The following FBXL19 variants were observed in gnomAD, a reference collection of about 807,000 sequenced individuals.
FBXL19 encodes F-box and leucine rich repeat protein 19, also known as F-box/LRR-repeat protein 19.
In FBXL19, 16 loss-of-function variants were observed where a neutral mutation model predicts 71.2. The ratio of observed to expected loss-of-function variants is 0.22; its 90% CI spans 0.15 to 0.34. FBXL19 has a LOEUF of 0.34. Among genes scored for constraint, FBXL19 ranks in the 10% least tolerant of loss-of-function variants. FBXL19 has a pLI of 1.00. For synonymous variants in FBXL19, 447 were observed against 409.4 expected, an observed-to-expected ratio of 1.09 and a Z score of -1.11; for missense variants, 658 against 968.2, an observed-to-expected ratio of 0.68 and a Z score of 4.25.
At chr16:30,934,927 G>A (rs1269495381) in intron 7 of FBXL19, among the ~76,000 whole-genome samples, 1 of 152,196 alleles carries the variant, frequency 6.6e-6, no homozygotes, top group Non-Finnish European at 1.5e-5. Flanking sequence ...GATGAAGAGG[G>A]CAAAAGATCA....
chr16:30,944,546 T>C (rs1289147261), intron 9 of FBXL19, among the ~76,000 whole-genome samples: 1 of 152,176 alleles, frequency 6.6e-6, no homozygotes, highest in African/African-American at 2.4e-5. Context: ...CTGCATAGTA[T>C]TCCATGGTGT....
intron 7 of FBXL19, among the ~76,000 whole-genome samples, chr16:30,940,575 A>G (rs1225619149): frequency 2.0e-5 from 3 of 152,122 alleles, no homozygotes; most frequent in Admixed American, 1.3e-4. Context: ...ACAAAATGTT[A>G]CTAGATTACC....
In FBXL19 at chr16:30,946,497, G is replaced by A. The variant is rs778696146; in HGVS notation, c.1628-233G>A. On this transcript the variant is annotated intron_variant, in intron 9 of 10. Coordinates refer to ENST00000338343, the MANE Select transcript of FBXL19 (RefSeq NM_001382779.1). This position sits in a 1 kb window ranked among gnomAD's most constrained non-coding sequence, Gnocchi z 6.7. ...TAGGATTACAGGCATGAGCCACCAC[G>A]CCTGGCAGAATATTGTAGTCTCAAA... Among the ~76,000 whole-genome samples the A allele has an allele frequency of 6.6e-6, 1 of 152,180 alleles. No individual in the cohort carries two copies. Among genetic ancestry groups the A allele is most frequent in the Non-Finnish European group, 1.5e-5 (1 of 68,044 alleles).
intron 9 of FBXL19, among the ~76,000 whole-genome samples, chr16:30,945,493 C>T (rs1311103711): frequency 6.6e-6 from 1 of 151,618 alleles, no homozygotes; most frequent in Non-Finnish European, 1.5e-5. Context: ...AACCCCATCT[C>T]TACTAAAAAA....
At position 30,942,604 on chromosome 16, in the gene FBXL19, T is replaced by C. The variant is rs1403995643; in HGVS notation, c.1627+68T>C. 2 of 1,463,204 alleles carry C rather than the reference T, an allele frequency of 1.4e-6. No individual in the cohort carries two copies. The highest frequency in any genetic ancestry group is 2.5e-5 in the Admixed American group (1 of 39,368). 90.6% of individuals were successfully genotyped at this position (1,463,204 alleles called of 1,614,324 possible). A position where few individuals can be genotyped will look rare whatever the true frequency, so the allele number is the denominator to read the frequency against. On this transcript the variant is annotated intron_variant, in intron 9 of 10. Coordinates refer to ENST00000338343, the MANE Select transcript of FBXL19 (RefSeq NM_001382779.1). This position sits in a 1 kb window ranked among gnomAD's most constrained non-coding sequence, Gnocchi z 5.7. ...GGTAGGGTAGGAGGCCTCTCAGGTCTCTTCTGACTCATGCTGGATGGTAAA... is the reference window on the plus strand; with the variant it reads ...GGTAGGGTAGGAGGCCTCTCAGGTCCCTTCTGACTCATGCTGGATGGTAAA...
At chr16:30,938,252 C>T (rs1053425725) in intron 7 of FBXL19, among the ~76,000 whole-genome samples, 3 of 152,170 alleles carry the variant, frequency 2.0e-5, no homozygotes, top group East Asian at 1.9e-4. Flanking sequence ...CAGTGGCTCA[C>T]GCCTGTAATC....
Position 30,947,501 on chromosome 16 carries a change from C to T in FBXL19, c.*271C>T. On this transcript the variant is annotated 3_prime_UTR_variant, in exon 11 of 11. Transcript: ENST00000338343. ...AGTGGGTCAGAGGTACTGGAGGGTG[C>T]TGAGCCGAAGGGACGGTGGGAGGGG... 1 of 483,414 alleles carries T rather than the reference C, an allele frequency of 2.1e-6. No homozygotes were observed. Among genetic ancestry groups the T allele is most frequent in the Non-Finnish European group, 3.7e-6 (1 of 267,506 alleles). 29.9% of individuals were successfully genotyped at this position (483,414 alleles called of 1,614,324 possible).
chr16:30,947,973 C>T lies in FBXL19; in HGVS notation c.*743C>T. 7.4e-6 allele frequency: 3 copies of T among 403,986 alleles called. No individual in the cohort carries two copies. The highest frequency in any genetic ancestry group is 1.5e-5 in the Non-Finnish European group (3 of 203,582). The allele number at this position is 403,986 out of a possible 1,614,324, so 25.0% of individuals were successfully genotyped here. ...GCCCAGGGGAGTGGCGAGGGGCGCC[C>T]CAACCCCCTGCCCGCCTCTCCGCAC... is the stretch of plus-strand genomic sequence containing the variant. On this transcript the variant is annotated 3_prime_UTR_variant, in exon 11 of 11. Coordinates refer to ENST00000338343, the MANE Select transcript of FBXL19 (RefSeq NM_001382779.1).
chr16:30,924,332 G>T lies in FBXL19; in HGVS notation c.-152G>T, dbSNP rs915047220. 5 of 155,342 alleles carry T rather than the reference G, an allele frequency of 3.2e-5. No individual in the cohort carries two copies. The highest frequency in any genetic ancestry group is 5.7e-5 in the Non-Finnish European group (4 of 70,296). The allele number at this position is 155,342 out of a possible 1,614,324, so 9.6% of individuals were successfully genotyped here. A position where few individuals can be genotyped will look rare whatever the true frequency, so the allele number is the denominator to read the frequency against. Reference sequence around the variant, plus strand: ...CCGGAGGGAGGGGCCGAGCGCCCTCGGGGGGCCGTGGACCCCGGCGTTCTG... The same window carrying T: ...CCGGAGGGAGGGGCCGAGCGCCCTCTGGGGGCCGTGGACCCCGGCGTTCTG... On this transcript the variant is annotated 5_prime_UTR_variant, in exon 1 of 11. Transcript: ENST00000338343.
Position 30,928,525 on chromosome 16 carries a change from G to C in FBXL19, c.686G>C (p.Arg229Pro), listed in dbSNP as rs751468850. Residue 229 changes from arginine (R) to proline (P), a missense_variant, in exon 6 of 11, where the codon CGA (arginine) becomes CCA (proline). Coordinates refer to ENST00000338343, the MANE Select transcript of FBXL19 (RefSeq NM_001382779.1). ...KKVGGDACLL[R>P]GSDPGGPGLL... ...GTGGGTGGAGACGCCTGCCTCCTCC[G>C]AGGATCGGACCCAGGCGGCCCGGGC... 51 of 1,607,258 alleles carry C rather than the reference G, an allele frequency of 3.2e-5. 1 individual carries two copies. Among genetic ancestry groups the C allele is most frequent in the Non-Finnish European group, 3.9e-5 (46 of 1,176,794 alleles).
intron 2 of FBXL19, among the ~76,000 whole-genome samples, chr16:30,926,827 C>G (rs1229684989): frequency 1.3e-5 from 2 of 152,138 alleles, no homozygotes; most frequent in Non-Finnish European, 2.9e-5. Context: ...TAGTGGCTTC[C>G]CTAGTGTTCC....
Position 30,946,970 on chromosome 16 carries a change from T to C in FBXL19, c.1846+22T>C, listed in dbSNP as rs1296338053. The C allele has an allele frequency of 1.1e-5, 18 of 1,591,696 alleles. No homozygotes were observed. Among genetic ancestry groups the C allele is most frequent in the Non-Finnish European group, 1.5e-5 (18 of 1,170,028 alleles). On this transcript the variant is annotated intron_variant, in intron 10 of 10. Coordinates refer to ENST00000338343, the MANE Select transcript of FBXL19 (RefSeq NM_001382779.1). This position sits in a 1 kb window ranked among gnomAD's most constrained non-coding sequence, Gnocchi z 6.7. ...GCTGGTAAGCACGGTCCCCCATCCG[T>C]CCTGCCAGCCTGTGGATCCCCACGG...
chr16:30,930,939 AGT>A lies in FBXL19; in HGVS notation c.1301+362_1301+363del, dbSNP rs1038325995. Among the ~76,000 whole-genome samples, 1 of 152,104 alleles carries A rather than the reference AGT, an allele frequency of 6.6e-6. No individual in the cohort carries two copies. The highest frequency in any genetic ancestry group is 1.5e-5 in the Non-Finnish European group (1 of 68,010). On this transcript the variant is annotated intron_variant, in intron 7 of 10. Transcript: ENST00000338343. The surrounding 1 kb of genome is among the most constrained non-coding windows in gnomAD (Gnocchi z 8.5). The stretch of plus-strand genomic sequence containing the variant: ...ATAGTAGCGACTATATTGAGTGTCT[AGT>A]GTGTGTCAGCCATAGCACTGAGTGC...
At chr16:30,932,311 TG>T (rs2055684114) in intron 7 of FBXL19, among the ~76,000 whole-genome samples, 1 of 152,218 alleles carries the variant, frequency 6.6e-6, no homozygotes. Context: ...ATAGTTAAGC[TG>T]CAACATAGAA....
At chr16:30,927,683 T>C in intron 4 of FBXL19, 24 bp downstream of exon 4, 1 of 1,560,612 alleles carries the variant, frequency 6.4e-7, no homozygotes, top group Non-Finnish European at 8.7e-7. Flanking sequence ...TGGGCTGAGC[T>C]GTGGGTAGGT....
At chr16:30,923,001 C>A (rs532001310), upstream of FBXL19, 85 of 456,088 alleles carry the variant, frequency 1.9e-4, no homozygotes, top group Admixed American at 6.8e-4. Context: ...AACTACTAAT[C>A]CCATCGCACC....
At chr16:30,931,143 C>T (rs777887967) in intron 7 of FBXL19, among the ~76,000 whole-genome samples, 18 of 152,140 alleles carry the variant, frequency 1.2e-4, no homozygotes, top group Non-Finnish European at 2.2e-4. Flanking sequence ...CTAATGCCCT[C>T]TGCCCATCCC....
In FBXL19 at chr16:30,925,809, TGCC is replaced by T; in HGVS notation, c.61_63del (p.Arg21del). On this transcript the variant is annotated inframe_deletion, in exon 2 of 11. Coordinates refer to ENST00000338343, the MANE Select transcript of FBXL19 (RefSeq NM_001382779.1). This position sits in a 1 kb window ranked among gnomAD's most constrained non-coding sequence, Gnocchi z 5.0. ...CGGAGCGCGCCGACGCCGAACCCGCTGCCGCCGCTGCCGGGCCTGTGTGCGAAC... is the reference window on the plus strand; with the variant it reads ...CGGAGCGCGCCGACGCCGAACCCGCTGCCGCTGCCGGGCCTGTGTGCGAAC... The T allele has an allele frequency of 6.7e-7, 1 of 1,496,618 alleles. No individual in the cohort carries two copies. Among genetic ancestry groups the T allele is most frequent in the Non-Finnish European group, 8.9e-7 (1 of 1,125,630 alleles). 92.7% of individuals were successfully genotyped at this position (1,496,618 alleles called of 1,614,324 possible).
chr16:30,925,748 GC>G lies in FBXL19; in HGVS notation c.-2del. 1.3e-6 allele frequency: 2 copies of G among 1,486,026 alleles called. No homozygotes were observed. The highest frequency in any genetic ancestry group is 8.9e-7 in the Non-Finnish European group (1 of 1,124,130). 92.1% of individuals were successfully genotyped at this position (1,486,026 alleles called of 1,614,324 possible). A position where few individuals can be genotyped will look rare whatever the true frequency, so the allele number is the denominator to read the frequency against. On this transcript the variant is annotated 5_prime_UTR_variant, in exon 2 of 11. Coordinates refer to ENST00000338343, the MANE Select transcript of FBXL19 (RefSeq NM_001382779.1). The surrounding 1 kb of genome is among the most constrained non-coding windows in gnomAD (Gnocchi z 5.0). ...ACCTACAGCCCTCGGCGTTGCTGAC[GC>G]CCCCAATGTCGTCGAGCAGCCGGGG... is the stretch of plus-strand genomic sequence containing the variant.
Sources: allele counts gnomAD v4.1 joint callset (sites outside exome capture counted in the v4.1 genomes callset), GRCh38; gene constraint gnomAD v4.1.1; non-coding constraint Gnocchi (gnomAD v3.1); transcripts MANE v1.5; gene names NCBI Gene and HGNC (gene_info 2026-07-23, HGNC 2026-07-21).